CNTLN: variants seen among roughly 807,000 people sequenced by gnomAD.
The protein encoded by CNTLN is centlein.
CNTLN carries 212 observed loss-of-function variants against 180.0 expected under a neutral mutation model. The ratio of observed to expected loss-of-function variants is 1.18; its 90% CI spans 1.05 to 1.32. CNTLN has a LOEUF of 1.32. Ranked by LOEUF, CNTLN falls within the 40% of genes most tolerant of loss-of-function variation. The pLI, the probability that CNTLN is intolerant of heterozygous loss-of-function variation, is 0.00. For synonymous variants in CNTLN, 722 were observed against 563.1 expected (o/e 1.28, Z -3.99); for missense variants, 2,095 against 1,610.9 (o/e 1.30, Z -5.14).
chr9:17,288,800 G>C (rs1356582890), intron 6 of CNTLN, among the ~76,000 whole-genome samples: 3 of 134,040 alleles, frequency 2.2e-5, no homozygotes, highest in African/African-American at 3.2e-5. Context: ...TTGGTTTAAA[G>C]TCTGTTTTAT....
intron 18 of CNTLN, among the ~76,000 whole-genome samples, chr9:17,445,497 AC>A (rs1411961208): frequency 6.6e-6 from 1 of 151,964 alleles, no homozygotes; most frequent in African/African-American, 2.4e-5. Context: ...CTTACCCCCA[AC>A]CCCGTGCTCT....
chr9:17,347,673 CAAA>C (rs369056271), intron 12 of CNTLN, among the ~76,000 whole-genome samples: 1,712 of 129,964 alleles, frequency 0.013, 41 homozygotes, highest in African/African-American at 0.046. Flanking sequence ...ACTCTTGTCT[CAAA>C]AAAAAAAAAA....
In CNTLN at chr9:17,322,189, T is replaced by C. The variant is rs543253785; in HGVS notation, c.1342-8443T>C. ...GGGAAATGATTTTTGGATAGTTTGA[T>C]ATTTAATCAATTTTCAGGAGAGAAC... On this transcript the variant is annotated intron_variant, in intron 8 of 25. Transcript: ENST00000380647. Among the ~76,000 whole-genome samples, 6 of 152,254 alleles carry C rather than the reference T, an allele frequency of 3.9e-5. No homozygotes were observed. The South Asian group carries it at 1.2e-3, about 32-fold the overall frequency.
intron 13 of CNTLN, among the ~76,000 whole-genome samples, chr9:17,379,206 C>G (rs186565794): frequency 1.5e-4 from 23 of 152,172 alleles, no homozygotes; most frequent in African/African-American, 5.5e-4. Flanking sequence ...ACTACTGCAC[C>G]TGTATGAGCT....
In CNTLN at chr9:17,206,066, G is replaced by T. The variant is rs554273505; in HGVS notation, c.450-20137G>T. On this transcript the variant is annotated intron_variant, in intron 2 of 25. Coordinates refer to ENST00000380647, the MANE Select transcript of CNTLN (RefSeq NM_017738.4). Reference sequence around the variant, plus strand: ...CATCAACTGGGTAGCCACCACTGCAGCAGGAGCCAACTGCCGTCAGTGCTG... The same window carrying T: ...CATCAACTGGGTAGCCACCACTGCATCAGGAGCCAACTGCCGTCAGTGCTG... Among the ~76,000 whole-genome samples, 8 of 152,312 alleles carry T rather than the reference G, an allele frequency of 5.3e-5. No homozygotes were observed. In the East Asian group the frequency reaches 1.5e-3, roughly 29 times the overall value.
At chr9:17,333,340 A>G (rs185202509) in intron 10 of CNTLN, among the ~76,000 whole-genome samples, 2 of 152,094 alleles carry the variant, frequency 1.3e-5, no homozygotes, top group Non-Finnish European at 2.9e-5. Context: ...CAAGTTGTTC[A>G]TACATATTGA....
intron 1 of CNTLN, among the ~76,000 whole-genome samples, chr9:17,135,777 T>G (rs1424645359): frequency 6.6e-6 from 1 of 152,220 alleles, no homozygotes; most frequent in African/African-American, 2.4e-5. Flanking sequence ...AGGAGTGACA[T>G]GCAGTCCACT....
chr9:17,302,102 AC>A, intron 7 of CNTLN: 1 of 817,618 alleles, frequency 1.2e-6, no homozygotes, highest in Non-Finnish European at 1.4e-6. Context: ...ACACACACAC[AC>A]ACACACACAC....
rs756729000 is a variant in CNTLN at position 17,298,192 on chromosome 9, A to G, written c.986A>G (p.Lys329Arg). Residue 329 changes from lysine (K) to arginine (R), a missense_variant and splice_region_variant, in exon 7 of 26, where the codon AAG becomes AGG. Coordinates refer to ENST00000380647, the MANE Select transcript of CNTLN (RefSeq NM_017738.4). Reference protein sequence around the residue: ...QKDMDITLVRKELQELQNLYK... With the variant: ...QKDMDITLVRRELQELQNLYK... ...TATTTATTGCTTGCTTTGCACAGGAAGGAACTGCAGGAGCTGCAGAATCTT... is the reference window on the plus strand; with the variant it reads ...TATTTATTGCTTGCTTTGCACAGGAGGGAACTGCAGGAGCTGCAGAATCTT... The G allele has an allele frequency of 1.3e-6, 2 of 1,500,650 alleles. No individual in the cohort carries two copies. Among genetic ancestry groups the G allele is most frequent in the Non-Finnish European group, 1.8e-6 (2 of 1,124,328 alleles). The allele number at this position is 1,500,650 out of a possible 1,614,324, so 93.0% of individuals were successfully genotyped here. A position where few individuals can be genotyped will look rare whatever the true frequency, so the allele number is the denominator to read the frequency against.
chr9:17,255,774 A>T (rs1425743806), intron 5 of CNTLN, among the ~76,000 whole-genome samples: 1 of 151,774 alleles, frequency 6.6e-6, no homozygotes, highest in East Asian at 1.9e-4. Context: ...TTATCCAGTG[A>T]AACCATCTAG....
intron 2 of CNTLN, among the ~76,000 whole-genome samples, chr9:17,189,877 A>G (rs1010314172): frequency 6.6e-6 from 1 of 152,004 alleles, no homozygotes; most frequent in African/African-American, 2.4e-5. Context: ...AACACGAACT[A>G]TTGTAAGTCC....
chr9:17,511,825 A>T, the CNTLN span, among the ~76,000 whole-genome samples: 3 of 152,140 alleles, frequency 2.0e-5, no homozygotes, highest in Non-Finnish European at 4.4e-5. Context: ...CTACTGGGGA[A>T]ATTGCCTTGA....
chr9:17,140,796 A>T (rs1221598299), intron 1 of CNTLN, among the ~76,000 whole-genome samples: 2 of 152,196 alleles, frequency 1.3e-5, no homozygotes, highest in Admixed American at 1.3e-4. Context: ...ATAAAACATT[A>T]TGTTGTATGC....
intron 5 of CNTLN, among the ~76,000 whole-genome samples, chr9:17,261,064 A>G (rs199793422): frequency 1.3e-5 from 2 of 150,890 alleles, no homozygotes; most frequent in South Asian, 4.2e-4. Context: ...GTACCATGCT[A>G]TTTTGGTTAC....
intron 8 of CNTLN, among the ~76,000 whole-genome samples, chr9:17,325,060 T>C (rs561980725): frequency 2.6e-5 from 4 of 151,628 alleles, no homozygotes; most frequent in Non-Finnish European, 5.9e-5. Flanking sequence ...TATTACTCAA[T>C]ATAGTGGTCT....
chr9:17,225,509 A>G (rs1033414140), intron 2 of CNTLN, among the ~76,000 whole-genome samples: 3 of 152,060 alleles, frequency 2.0e-5, no homozygotes, highest in African/African-American at 7.2e-5. Flanking sequence ...TCAGTGTCCA[A>G]TCAATTTCCC....
intron 8 of CNTLN, among the ~76,000 whole-genome samples, chr9:17,323,295 G>A (rs955621504): frequency 4.6e-5 from 7 of 152,036 alleles, no homozygotes; most frequent in Non-Finnish European, 8.8e-5. Flanking sequence ...AGCCTACTGC[G>A]CTTCACATTA....
intron 2 of CNTLN, among the ~76,000 whole-genome samples, chr9:17,179,817 G>T (rs1267944939): frequency 3.3e-5 from 5 of 150,860 alleles, no homozygotes; most frequent in Non-Finnish European, 7.4e-5. Flanking sequence ...AGTTCTATCA[G>T]TTTTTTTTCT....
chr9:17,268,240 G>C (rs75342382), intron 5 of CNTLN, among the ~76,000 whole-genome samples: 2 of 152,140 alleles, frequency 1.3e-5, no homozygotes, highest in Non-Finnish European at 1.5e-5. Context: ...TTGTTTGTTA[G>C]TTTTCCTTCT....
Sources: allele counts gnomAD v4.1 joint callset (sites outside exome capture counted in the v4.1 genomes callset), GRCh38; gene constraint gnomAD v4.1.1; transcripts MANE v1.5; gene names NCBI Gene and HGNC (gene_info 2026-07-23, HGNC 2026-07-21).